NFIB: variants seen among roughly 807,000 people sequenced by gnomAD.
NFIB encodes nuclear factor I B, also known as nuclear factor 1 B-type.
Under a neutral mutation model 61.5 loss-of-function variants are expected in NFIB, and 11 were observed. The observed-to-expected ratio is 0.18, with a 90% CI of 0.11 to 0.30. The LOEUF (loss-of-function observed/expected upper bound fraction) is 0.30. Ranked by LOEUF, NFIB falls within the 10% of genes least tolerant of loss-of-function variation. The pLI is 1.00. For missense variants in NFIB, 471 were observed against 608.9 expected (o/e 0.77, Z 2.38); for synonymous variants, 260 against 216.5 (o/e 1.20, Z -1.76).
intron 1 of NFIB, among the ~76,000 whole-genome samples, chr9:14,364,593 T>A (rs574468208): frequency 2.0e-5 from 3 of 152,342 alleles, no homozygotes; most frequent in African/African-American, 7.2e-5. Flanking sequence ...AATGTTTATA[T>A]CTGCACAATT....
At position 14,314,115 on chromosome 9, in the gene NFIB, T is replaced by C. The variant is rs2060425635; in HGVS notation, c.-604A>G. 5.1e-6 allele frequency: 5 copies of C among 989,124 alleles called. No homozygotes were observed. Among genetic ancestry groups the C allele is most frequent in the East Asian group, 9.7e-5 (1 of 10,320 alleles). The allele number at this position is 989,124 out of a possible 1,614,324, so 61.3% of individuals were successfully genotyped here. A position where few individuals can be genotyped will look rare whatever the true frequency, so the allele number is the denominator to read the frequency against. On this transcript the variant is annotated 5_prime_UTR_variant, in exon 1 of 11. Transcript: ENST00000380953. ...CTTTGCCGCGAGCCGACCATGTGTG[T>C]GCGCGAGGGGCAGCGTGAGCGAGTG...
intron 1 of NFIB, among the ~76,000 whole-genome samples, chr9:14,311,729 G>C (rs79114618): frequency 0.016 from 2,451 of 152,260 alleles, 37 homozygotes; most frequent in African/African-American, 0.036. Flanking sequence ...GTAATTGCTA[G>C]CAATGTTTCT....
chr9:14,445,303 T>C, the NFIB span, among the ~76,000 whole-genome samples: 1 of 152,152 alleles, frequency 6.6e-6, no homozygotes, highest in African/African-American at 2.4e-5. Context: ...TTTTTTATTA[T>C]TGTGATGGCT....
chr9:14,153,455 C>T (rs1186544718), intron 4 of NFIB, among the ~76,000 whole-genome samples: 1 of 152,074 alleles, frequency 6.6e-6, no homozygotes, highest in Non-Finnish European at 1.5e-5. Context: ...AGGCTGAAAG[C>T]TGCAAATCAT....
At chr9:14,183,472 C>T (rs978721716) in intron 2 of NFIB, among the ~76,000 whole-genome samples, 3 of 151,424 alleles carry the variant, frequency 2.0e-5, no homozygotes, top group Non-Finnish European at 1.5e-5. Context: ...AGCACTATCA[C>T]AGCTCACTGA....
At chr9:14,481,199 A>G in the NFIB span, among the ~76,000 whole-genome samples, 781 of 18,138 alleles carry the variant, frequency 0.043, 15 homozygotes, top group Non-Finnish European at 0.053. Flanking sequence ...GTGTGTGTGT[A>G]TATATATATA....
the NFIB span, among the ~76,000 whole-genome samples, chr9:14,473,301 T>A: frequency 1.3e-5 from 2 of 152,184 alleles, no homozygotes; most frequent in African/African-American, 2.4e-5. Flanking sequence ...GGGTAGAAAA[T>A]CAATGGTCAT....
At chr9:14,126,132 A>G (rs1264858053) in intron 6 of NFIB, among the ~76,000 whole-genome samples, 1 of 152,244 alleles carries the variant, frequency 6.6e-6, no homozygotes, top group Non-Finnish European at 1.5e-5. Flanking sequence ...GTCTTTCGAC[A>G]GAGGATAACT....
At chr9:14,497,709 G>A in the NFIB span, among the ~76,000 whole-genome samples, 103 of 152,330 alleles carry the variant, frequency 6.8e-4, no homozygotes, top group African/African-American at 2.4e-3. Context: ...TATCCCTGGA[G>A]AGCTGTCTAT....
chr9:14,433,076 C>T, the NFIB span, among the ~76,000 whole-genome samples: 1 of 152,088 alleles, frequency 6.6e-6, no homozygotes, highest in Non-Finnish European at 1.5e-5. Flanking sequence ...CTGGTGACCC[C>T]TTATTTAAAA....
chr9:14,306,877 G>A, intron 2 of NFIB, 112 bp downstream of exon 2: 1 of 1,314,246 alleles, frequency 7.6e-7, no homozygotes. Context: ...CCCAGAGAGG[G>A]TGGAGGATAT....
chr9:14,237,365 C>T (rs1311872238), intron 2 of NFIB, among the ~76,000 whole-genome samples: 2 of 152,196 alleles, frequency 1.3e-5, no homozygotes, highest in South Asian at 2.1e-4. Context: ...CTCTTCTCAT[C>T]CATCTTCAGA....
intron 3 of NFIB, among the ~76,000 whole-genome samples, chr9:14,173,716 G>A (rs2045831680): frequency 6.6e-6 from 1 of 152,180 alleles, no homozygotes; most frequent in African/African-American, 2.4e-5. Context: ...CTCAAATGTA[G>A]TATTTAATTG....
chr9:14,461,938 G>A, the NFIB span, among the ~76,000 whole-genome samples: 1 of 152,146 alleles, frequency 6.6e-6, no homozygotes, highest in African/African-American at 2.4e-5. Context: ...GATTCAGATG[G>A]GTCTCGTATA....
At chr9:14,522,149 G>C in the NFIB span, among the ~76,000 whole-genome samples, 1 of 152,294 alleles carries the variant, frequency 6.6e-6, no homozygotes, top group South Asian at 2.1e-4. Flanking sequence ...ATAATTACAA[G>C]CTACTGTTTG....
chr9:14,424,613 T>C, the NFIB span, among the ~76,000 whole-genome samples: 1 of 152,120 alleles, frequency 6.6e-6, no homozygotes, highest in Non-Finnish European at 1.5e-5. Flanking sequence ...TTTGCAGACA[T>C]TAAGGACAAG....
intron 2 of NFIB, among the ~76,000 whole-genome samples, chr9:14,222,820 A>G (rs1172280911): frequency 6.7e-6 from 1 of 149,724 alleles, no homozygotes; most frequent in East Asian, 1.9e-4. Context: ...GAAAGAAAGA[A>G]AAGAAAAAGA....
At chr9:14,458,385 T>C in the NFIB span, among the ~76,000 whole-genome samples, 54,709 of 152,076 alleles carry the variant, frequency 0.36, 10,723 homozygotes, top group Admixed American at 0.5. Context: ...TAGGAGCTAT[T>C]TATGACAAAC....
chr9:14,096,297 C>T (rs569908408), intron 10 of NFIB: 1 of 152,278 alleles, frequency 6.6e-6, no homozygotes, highest in African/African-American at 2.4e-5. Flanking sequence ...CCTCCCTCTC[C>T]AGTAGCGCTG....
Sources: gnomAD v4.1 joint callset for allele counts (sites outside exome capture counted in the v4.1 genomes callset) on GRCh38, gnomAD v4.1.1 for gene constraint, MANE v1.5 for transcripts, NCBI Gene and HGNC (gene_info 2026-07-23, HGNC 2026-07-21) for gene names.